Variants in GRHL1 observed in about 807,000 individuals in gnomAD.
GRHL1 encodes the protein grainyhead-like protein 1 homolog.
In GRHL1, 38 loss-of-function variants were observed where a neutral mutation model predicts 75.7. The observed-to-expected ratio is 0.50, with a 90% CI of 0.39 to 0.66. The LOEUF (loss-of-function observed/expected upper bound fraction) is 0.66, where lower values mean the gene tolerates loss of function less well. Among genes scored for constraint, GRHL1 ranks in the 30% least tolerant of loss-of-function variants. GRHL1 has a pLI of 0.00. For missense variants in GRHL1, 589 were observed against 767.5 expected, an observed-to-expected ratio of 0.77 and a Z score of 2.75; for synonymous variants, 266 against 279.4, an observed-to-expected ratio of 0.95 and a Z score of 0.48.
intron 10 of GRHL1, among the ~76,000 whole-genome samples, chr2:9,991,194 G>A (rs1668626810): frequency 6.6e-6 from 1 of 151,756 alleles, no homozygotes; most frequent in Non-Finnish European, 1.5e-5. Flanking sequence ...AATCTATAGG[G>A]CTTCTGTTTG....
chr2:9,961,654 C>A (rs574522639), intron 4 of GRHL1, among the ~76,000 whole-genome samples: 9 of 152,256 alleles, frequency 5.9e-5, no homozygotes, highest in South Asian at 4.1e-4. Flanking sequence ...ATCTTACCAG[C>A]AGCTGAGTTA....
chr2:9,998,554 ATG>A (rs1491453643), intron 14 of GRHL1, among the ~76,000 whole-genome samples: 1 of 70,994 alleles, frequency 1.4e-5, no homozygotes, highest in Non-Finnish European at 2.5e-5. Context: ...ATATGTATAT[ATG>A]TGTGTACATG....
In GRHL1 at chr2:9,990,773, G is replaced by A; in HGVS notation, c.1321+26G>A. 6.3e-7 allele frequency: 1 copy of A among 1,586,300 alleles called. No homozygotes were observed. Among genetic ancestry groups the A allele is most frequent in the South Asian group, 1.1e-5 (1 of 89,422 alleles). ...GCAAGTGTCCTGACCCCAGCTCCCA[G>A]GTGAATGCCTGTAAGTAGAAATGTT... On this transcript the variant is annotated intron_variant, in intron 10 of 15. Transcript: ENST00000324907. This position sits in a 1 kb window ranked among gnomAD's most constrained non-coding sequence, Gnocchi z 4.2.
At position 9,992,157 on chromosome 2, in the gene GRHL1, AG is replaced by A. The variant is rs1668673532; in HGVS notation, c.1461+13del. On this transcript the variant is annotated intron_variant, in intron 11 of 15. Coordinates refer to ENST00000324907, the MANE Select transcript of GRHL1 (RefSeq NM_198182.3). The surrounding 1 kb of genome is among the most constrained non-coding windows in gnomAD (Gnocchi z 4.6). ...CAGCGGGGCACTCATGTAGGTAACC[AG>A]GATCCCAGGGGAGGTTACCAGGAAG... 1.9e-6 allele frequency: 3 copies of A among 1,609,578 alleles called. No individual in the cohort carries two copies. Among genetic ancestry groups the A allele is most frequent in the African/African-American group, 2.7e-5 (2 of 74,742 alleles).
Position 10,000,743 on chromosome 2 carries a change from C to T in GRHL1, c.*36C>T. ...GCCACAGCTCCCCAGGAGTTCAGTG[C>T]AGGTGTTTCTAGATCTTACGGTTTG... is the stretch of plus-strand genomic sequence containing the variant. On this transcript the variant is annotated 3_prime_UTR_variant, in exon 16 of 16. Transcript: ENST00000324907. 4.2e-6 allele frequency: 5 copies of T among 1,177,902 alleles called. No individual in the cohort carries two copies. The highest frequency in any genetic ancestry group is 6.4e-6 in the Non-Finnish European group (5 of 786,020). 73.0% of individuals were successfully genotyped at this position (1,177,902 alleles called of 1,614,324 possible).
intron 8 of GRHL1, 75 bp from the exon 9 acceptor site, chr2:9,986,049 T>C (rs528942386): frequency 1.7e-5 from 16 of 929,452 alleles, no homozygotes; most frequent in Non-Finnish European, 2.5e-5. Context: ...ATTTCAGTGA[T>C]GTTAATATTT....
intron 8 of GRHL1, among the ~76,000 whole-genome samples, chr2:9,980,281 A>C (rs2125230177): frequency 6.6e-6 from 1 of 152,164 alleles, no homozygotes; most frequent in East Asian, 1.9e-4. Context: ...AATCATTATA[A>C]ATTCGTTCAA....
chr2:9,960,708 G>A (rs528696368), intron 3 of GRHL1: 5 of 200,122 alleles, frequency 2.5e-5, no homozygotes, highest in South Asian at 1.3e-4. Context: ...TGACCCTGGC[G>A]TCTATGCTGT....
intron 13 of GRHL1, 29 bp from the exon 14 acceptor site, chr2:9,996,287 T>C (rs1668858557): frequency 2.0e-6 from 3 of 1,517,804 alleles, no homozygotes; most frequent in African/African-American, 2.7e-5. Flanking sequence ...CTCTTTTCCC[T>C]TCCTTATTCC....
At chr2:9,958,557 T>C (rs1467113107) in intron 2 of GRHL1, among the ~76,000 whole-genome samples, 1 of 152,154 alleles carries the variant, frequency 6.6e-6, no homozygotes, top group Non-Finnish European at 1.5e-5. Context: ...TGAGTTTATT[T>C]GGCAACTCAA....
chr2:9,999,032 A>G lies in GRHL1; in HGVS notation c.1742+3A>G. The stretch of plus-strand genomic sequence containing the variant: ...ATATTCAAGAAGTGTAAAAAGGGGT[A>G]AGCAGCCACTGCGTCCTGTGTACCT... On this transcript the variant is annotated splice_donor_region_variant and intron_variant, in intron 15 of 15. Transcript: ENST00000324907. 1 of 1,536,722 alleles carries G rather than the reference A, an allele frequency of 6.5e-7. No individual in the cohort carries two copies. Among genetic ancestry groups the G allele is most frequent in the Non-Finnish European group, 8.9e-7 (1 of 1,125,376 alleles).
At chr2:9,972,837 CAG>C (rs1373236231) in intron 8 of GRHL1, among the ~76,000 whole-genome samples, 3 of 152,174 alleles carry the variant, frequency 2.0e-5, no homozygotes, top group East Asian at 1.9e-4. Context: ...GACCGTGACA[CAG>C]GGGAGAACCG....
At chr2:9,995,653 A>G (rs1488734966) in intron 12 of GRHL1, among the ~76,000 whole-genome samples, 1 of 152,038 alleles carries the variant, frequency 6.6e-6, no homozygotes, top group Non-Finnish European at 1.5e-5. Flanking sequence ...GAGTGCAGAT[A>G]CCTGCAGGGA....
intron 8 of GRHL1, among the ~76,000 whole-genome samples, chr2:9,984,304 C>T (rs1668325016): frequency 6.6e-6 from 1 of 152,084 alleles, no homozygotes; most frequent in African/African-American, 2.4e-5. Context: ...TAGAAGGAAT[C>T]TTCCCCTGTC....
intron 14 of GRHL1, 138 bp from the exon 15 acceptor site, chr2:9,998,827 T>TATATATACGTATATATATGTGTAC (rs1558321499): frequency 1.4e-5 from 1 of 71,362 alleles, no homozygotes; most frequent in Non-Finnish European, 2.4e-5. Flanking sequence ...TATGTACACA[T>TATATATACGTATATATATGTGTAC]ATATATATAC....
chr2:9,955,853 C>T lies in GRHL1; in HGVS notation c.207+752C>T, dbSNP rs111658673. Among the ~76,000 whole-genome samples, 708 of 152,360 alleles carry T rather than the reference C, an allele frequency of 4.6e-3. 7 individuals carry two copies. Among genetic ancestry groups the T allele is most frequent in the African/African-American group, 0.017 (688 of 41,572 alleles). On this transcript the variant is annotated intron_variant, in intron 2 of 15. Transcript: ENST00000324907. ...TACCGCTCTCCTTCTGGATTCACCT[C>T]TCCATTCTTCCTTCTGACCAGAAAC...
intron 10 of GRHL1, 149 bp from the exon 11 acceptor site, chr2:9,991,858 T>G: frequency 1.9e-6 from 1 of 521,000 alleles, no homozygotes; most frequent in Non-Finnish European, 3.3e-6. Flanking sequence ...TAAACTGGGA[T>G]TCTTAGGCAG....
chr2:9,991,599 A>G (rs1487586938), intron 10 of GRHL1, among the ~76,000 whole-genome samples: 1 of 152,184 alleles, frequency 6.6e-6, no homozygotes, highest in East Asian at 1.9e-4. Context: ...ATATGTTCTG[A>G]AGTCAATGGG....
At position 10,001,110 on chromosome 2, in the gene GRHL1, T is replaced by G. The variant is rs1669249840; in HGVS notation, c.*403T>G. ...CAGAAGTCAGAAAAGGCGATAGGCT[T>G]GGCTTTAAGGATTTCGTGCCCTTGC... On this transcript the variant is annotated 3_prime_UTR_variant, in exon 16 of 16. Coordinates refer to ENST00000324907, the MANE Select transcript of GRHL1 (RefSeq NM_198182.3). 6.4e-6 allele frequency: 1 copy of G among 155,300 alleles called. No homozygotes were observed. The highest frequency in any genetic ancestry group is 2.4e-5 in the African/African-American group (1 of 41,512). 9.6% of individuals were successfully genotyped at this position (155,300 alleles called of 1,614,324 possible).
Sources: allele counts gnomAD v4.1 joint callset (sites outside exome capture counted in the v4.1 genomes callset), GRCh38; gene constraint gnomAD v4.1.1; non-coding constraint Gnocchi (gnomAD v3.1); transcripts MANE v1.5; gene names NCBI Gene and HGNC (gene_info 2026-07-23, HGNC 2026-07-21).